The following EDA variants were observed in gnomAD, a reference collection of about 807,000 sequenced individuals.
EDA encodes ectodysplasin-A.
A neutral mutation model predicts 23.6 loss-of-function variants in EDA; 2 were observed. That is an observed-to-expected ratio of 0.08 (90% CI 0.03 to 0.27). The LOEUF (loss-of-function observed/expected upper bound fraction) is 0.27. Ranked by LOEUF, EDA falls within the 10% of genes least tolerant of loss-of-function variation. The pLI is 1.00. For missense variants in EDA, 229 were observed against 324.2 expected, an observed-to-expected ratio of 0.71 and a Z score of 2.26; for synonymous variants, 131 against 132.0, an observed-to-expected ratio of 0.99 and a Z score of 0.05.
chrX:69,770,795 G>A (rs2014610886), intron 1 of EDA, among the ~76,000 whole-genome samples: 1 of 107,139 alleles, frequency 9.3e-6, no homozygotes, highest in Non-Finnish European at 1.9e-5. Context: ...AAAACTCTTT[G>A]CCTAGTCTTA....
intron 1 of EDA, among the ~76,000 whole-genome samples, chrX:69,940,377 A>T (rs995501045): frequency 9.0e-6 from 1 of 110,904 alleles, no homozygotes; most frequent in African/African-American, 3.3e-5. Context: ...ATTGGCATAC[A>T]GTTGTTCATA....
intron 1 of EDA, among the ~76,000 whole-genome samples, chrX:69,730,664 T>C (rs1465284818): frequency 1.8e-5 from 2 of 112,264 alleles, no homozygotes; most frequent in Admixed American, 1.9e-4. Flanking sequence ...TGGTTTAGCC[T>C]TTTGTACCCA....
chrX:69,875,731 A>G (rs1267794511), intron 1 of EDA, among the ~76,000 whole-genome samples: 1 of 111,578 alleles, frequency 9.0e-6, no homozygotes, highest in African/African-American at 3.3e-5. Flanking sequence ...TTTACAAACT[A>G]TGCATCTGAC....
At chrX:70,023,478 C>CTTTTTTTTTTTTTTT (rs754981946) in intron 3 of EDA, among the ~76,000 whole-genome samples, 7 of 33,489 alleles carry the variant, frequency 2.1e-4, no homozygotes, top group African/African-American at 4.2e-4. Flanking sequence ...TCTTTTTATT[C>CTTTTTTTTTTTTTTT]TTTTTTTTTT....
intron 1 of EDA, among the ~76,000 whole-genome samples, chrX:69,741,878 G>A (rs1304056545): frequency 1.8e-5 from 2 of 111,709 alleles, no homozygotes; most frequent in East Asian, 5.7e-4. Flanking sequence ...ACAGAGCTCT[G>A]AGGTCTGAAC....
chrX:69,836,285 A>G (rs2016772682), intron 1 of EDA, among the ~76,000 whole-genome samples: 1 of 112,474 alleles, frequency 8.9e-6, no homozygotes, highest in Non-Finnish European at 1.9e-5. Context: ...AGACAGGGAC[A>G]TTTAAGTCTG....
chrX:69,790,320 C>T (rs1045230080), intron 1 of EDA, among the ~76,000 whole-genome samples: 4 of 108,509 alleles, frequency 3.7e-5, no homozygotes, highest in African/African-American at 1.0e-4. Flanking sequence ...CTATGTATGT[C>T]GGGAGAGGGG....
At position 69,996,922 on chromosome X, in the gene EDA, C is replaced by T. The variant is rs1327109788; in HGVS notation, c.503-26296C>T. On this transcript the variant is annotated intron_variant, in intron 2 of 7. Transcript: ENST00000374552. ...CTGCTGCCATGTGAGACGTGCCTTT[C>T]ACCTTCCACCATGATTGTGAGGCCT... Among the ~76,000 whole-genome samples the T allele has an allele frequency of 4.5e-5, 5 of 112,352 alleles. No individual in the cohort carries two copies. In the Admixed American group the frequency reaches 4.7e-4, roughly 11 times the overall value.
chrX:70,029,130 G>T (rs1387435169), intron 4 of EDA, among the ~76,000 whole-genome samples: 2 of 112,928 alleles, frequency 1.8e-5, no homozygotes, highest in Non-Finnish European at 3.7e-5. Flanking sequence ...ATAGCAGTGG[G>T]CTCTATGAAG....
chrX:69,700,014 G>A (rs780293289), intron 1 of EDA, among the ~76,000 whole-genome samples: 8 of 110,970 alleles, frequency 7.2e-5, no homozygotes, highest in Non-Finnish European at 1.3e-4. Context: ...GCGGTCGGTT[G>A]TGAGCCGTCG....
chrX:69,753,584 C>A (rs1053436036), intron 1 of EDA, among the ~76,000 whole-genome samples: 2 of 111,971 alleles, frequency 1.8e-5, no homozygotes, highest in African/African-American at 6.5e-5. Context: ...CTATATATGT[C>A]TATTAGGTCT....
At chrX:69,799,700 A>AAG (rs1470432169) in intron 1 of EDA, among the ~76,000 whole-genome samples, 2 of 108,398 alleles carry the variant, frequency 1.8e-5, no homozygotes, top group Non-Finnish European at 3.8e-5. Context: ...AAAAGACAAA[A>AAG]AAAAAAAAAA....
chrX:69,947,433 A>T (rs2018849601), intron 1 of EDA, among the ~76,000 whole-genome samples: 2 of 112,493 alleles, frequency 1.8e-5, no homozygotes, highest in African/African-American at 6.5e-5. Context: ...ATATTGTTGC[A>T]TTCCAAGCTG....
intron 1 of EDA, among the ~76,000 whole-genome samples, chrX:69,642,851 A>G (rs1932856352): frequency 8.9e-6 from 1 of 111,890 alleles, no homozygotes. Flanking sequence ...CATAGCCAGG[A>G]CTGGAATCTA....
intron 2 of EDA, among the ~76,000 whole-genome samples, chrX:70,021,190 T>C (rs763754771): frequency 2.7e-5 from 3 of 112,185 alleles, no homozygotes; most frequent in Non-Finnish European, 3.8e-5. Flanking sequence ...TTCTTGAAGG[T>C]AGAGTTGTGA....
intron 6 of EDA, among the ~76,000 whole-genome samples, chrX:70,031,134 C>T (rs763622091): frequency 8.9e-6 from 1 of 112,661 alleles, no homozygotes; most frequent in African/African-American, 3.2e-5. Flanking sequence ...TTAGAGTTCT[C>T]AGCATACTTT....
intron 2 of EDA, among the ~76,000 whole-genome samples, chrX:69,979,912 T>C (rs1049972759): frequency 1.3e-4 from 14 of 111,853 alleles, no homozygotes; most frequent in African/African-American, 3.9e-4. Context: ...ATTTTTTTTC[T>C]TTTATCACTT....
At chrX:69,878,618 G>T (rs1013122335) in intron 1 of EDA, among the ~76,000 whole-genome samples, 14 of 110,686 alleles carry the variant, frequency 1.3e-4, no homozygotes, top group African/African-American at 4.0e-4. Flanking sequence ...CCTGCTATTA[G>T]GAAGGACTGT....
chrX:69,658,477 T>C (rs1933388675), intron 1 of EDA, among the ~76,000 whole-genome samples: 1 of 110,975 alleles, frequency 9.0e-6, no homozygotes, highest in South Asian at 3.8e-4. Flanking sequence ...GGATGCCTTT[T>C]ATTTCTTTCT....
Sources: gnomAD v4.1 joint callset for allele counts (sites outside exome capture counted in the v4.1 genomes callset) on GRCh38, gnomAD v4.1.1 for gene constraint, MANE v1.5 for transcripts, NCBI Gene and HGNC (gene_info 2026-07-23, HGNC 2026-07-21) for gene names.